Variants in LIPN observed in about 807,000 individuals in gnomAD.
The protein encoded by LIPN is lipase family member N, also known as lipase member N.
In LIPN, 32 loss-of-function variants were observed where a neutral mutation model predicts 43.7. The ratio of observed to expected loss-of-function variants is 0.73; its 90% CI spans 0.55 to 0.98. The LOEUF (loss-of-function observed/expected upper bound fraction) is 0.98. Among genes scored for constraint, LIPN ranks in the 50% least tolerant of loss-of-function variants. The pLI is 0.00. For missense variants in LIPN, 505 were observed against 483.8 expected, an observed-to-expected ratio of 1.04 and a Z score of -0.41; for synonymous variants, 156 against 157.6, an observed-to-expected ratio of 0.99 and a Z score of 0.08.
chr10:88,767,525 A>G (rs1843122873), intron 5 of LIPN, among the ~76,000 whole-genome samples: 1 of 151,596 alleles, frequency 6.6e-6, no homozygotes, highest in African/African-American at 2.4e-5. Context: ...AACCAGATGT[A>G]TCTGATTTCA....
At chr10:88,768,728 T>G in intron 5 of LIPN, 64 bp from the exon 6 acceptor site, 1 of 1,460,250 alleles carries the variant, frequency 6.8e-7, no homozygotes, top group South Asian at 1.2e-5. Context: ...AGAGCCCCAA[T>G]TTTGTTAGAA....
upstream of LIPN, among the ~76,000 whole-genome samples, chr10:88,757,965 A>G (rs1397806588): frequency 6.6e-6 from 1 of 152,090 alleles, no homozygotes; most frequent in African/African-American, 2.4e-5. Context: ...CAAAAGTGTG[A>G]GGTTCAAATT....
In LIPN at chr10:88,777,058, C is replaced by A. The variant is rs77099908; in HGVS notation, c.964-951C>A. 2.3e-3 allele frequency among the ~76,000 whole-genome samples: 346 copies of A among 152,164 alleles called. 1 individual carries two copies. Among genetic ancestry groups the A allele is most frequent in the African/African-American group, 8.2e-3 (341 of 41,544 alleles). ...CTTCTACTTACTCCTTAACCTTGTA[C>A]AATGTAGTTTAGGTCTTCATCTTTT... On this transcript the variant is annotated intron_variant, in intron 9 of 9. Transcript: ENST00000404459.
At position 88,765,190 on chromosome 10, in the gene LIPN, A is replaced by G. The variant is rs1243114137; in HGVS notation, c.425+582A>G. On this transcript the variant is annotated intron_variant, in intron 4 of 9. Coordinates refer to ENST00000404459, the MANE Select transcript of LIPN (RefSeq NM_001102469.2). Reference sequence around the variant, plus strand: ...TTTAAAACCTTTTTAATGGGCAATGAAGAAGAATCTTTTTTGATATCTTGT... The same window carrying G: ...TTTAAAACCTTTTTAATGGGCAATGGAGAAGAATCTTTTTTGATATCTTGT... Among the ~76,000 whole-genome samples the G allele has an allele frequency of 3.3e-5, 5 of 152,084 alleles. No individual in the cohort carries two copies. In the East Asian group the frequency reaches 9.7e-4, roughly 30 times the overall value.
At chr10:88,771,368 G>A (rs886802565) in intron 7 of LIPN, among the ~76,000 whole-genome samples, 1 of 151,494 alleles carries the variant, frequency 6.6e-6, no homozygotes, top group Non-Finnish European at 1.5e-5. Flanking sequence ...TCCTTCTAAC[G>A]GTATTTTGGT....
chr10:88,774,432 T>G, intron 7 of LIPN, 41 bp from the exon 8 acceptor site: 2 of 1,444,786 alleles, frequency 1.4e-6, no homozygotes, highest in South Asian at 1.2e-5. Context: ...AGGCAAAATT[T>G]TGTTGGGCAA....
chr10:88,767,626 G>C (rs1843125263), intron 5 of LIPN, among the ~76,000 whole-genome samples: 1 of 105,434 alleles, frequency 9.5e-6, no homozygotes, highest in South Asian at 3.2e-4. Flanking sequence ...ACTTAGATAT[G>C]CTCTTATACT....
chr10:88,774,266 T>C (rs1843258037), intron 7 of LIPN, among the ~76,000 whole-genome samples: 1 of 152,054 alleles, frequency 6.6e-6, no homozygotes. Context: ...GGTACAGGTG[T>C]GCTGTCAAGC....
chr10:88,766,455 T>C (rs371314310), intron 5 of LIPN, 77 bp downstream of exon 5: 5 of 864,654 alleles, frequency 5.8e-6, no homozygotes, highest in East Asian at 2.4e-5. Flanking sequence ...TTCACCTTTA[T>C]GTTGGAATAA....
At chr10:88,776,052 C>G (rs1157000018) in intron 9 of LIPN, among the ~76,000 whole-genome samples, 1 of 151,938 alleles carries the variant, frequency 6.6e-6, no homozygotes, top group Non-Finnish European at 1.5e-5. Context: ...AAGAACATTA[C>G]TAATTTTGTG....
intron 3 of LIPN, among the ~76,000 whole-genome samples, chr10:88,763,352 C>A (rs747879067): frequency 6.6e-6 from 1 of 151,744 alleles, no homozygotes; most frequent in Non-Finnish European, 1.5e-5. Flanking sequence ...TCTGGCAATC[C>A]CAGGCACATG....
chr10:88,777,446 A>G (rs1463095513), intron 9 of LIPN, among the ~76,000 whole-genome samples: 2 of 151,824 alleles, frequency 1.3e-5, no homozygotes, highest in Admixed American at 6.6e-5. Context: ...AGGTGATTCC[A>G]TTAACTGTTG....
intron 6 of LIPN, chr10:88,769,640 A>G: frequency 1.1e-6 from 1 of 933,268 alleles, no homozygotes; most frequent in Non-Finnish European, 1.3e-6. Flanking sequence ...TTTGGGCCAA[A>G]ATTGAAGTCA....
rs530091624 is a variant in LIPN, at chr10:88,775,097, C to T, written c.897C>T (p.Tyr299=). The change falls in exon 9 of 10, where the codon TAC becomes TAT. Residue 299 remains tyrosine (Y), a synonymous_variant. Transcript: ENST00000404459. ...CTAAAAAACATTTGTTTCAGCTTTA[C>T]CACTCTGATGAATTCAGAGCTTATG... The part of the protein sequence containing the change: ...VHNILHIKQL[Y]HSDEFRAYDW... The T allele has an allele frequency of 1.5e-4, 225 of 1,535,396 alleles. 6 individuals are homozygous for T. The South Asian group carries it at 2.4e-3, about 17-fold the overall frequency.
Position 88,763,690 on chromosome 10 carries a change from A to C in LIPN, c.227-720A>C, listed in dbSNP as rs117784678. ...TCATTAAATTATAGTGCCTTACTTG[A>C]CCTTCCACCCTGGTTCTTTGGATCT... On this transcript the variant is annotated intron_variant, in intron 3 of 9. Coordinates refer to ENST00000404459, the MANE Select transcript of LIPN (RefSeq NM_001102469.2). Among the ~76,000 whole-genome samples the C allele has an allele frequency of 4.8e-3, 737 of 152,112 alleles. 4 individuals are homozygous for C. Among genetic ancestry groups the C allele is most frequent in the Non-Finnish European group, 8.6e-3 (581 of 67,942 alleles).
At position 88,779,152 on chromosome 10, in the gene LIPN, G is replaced by T. The variant is rs549560208; in HGVS notation, c.*910G>T. On this transcript the variant is annotated 3_prime_UTR_variant, in exon 10 of 10. Transcript: ENST00000404459. ...TTTACCTAATGGAAACCTGATTGCC[G>T]CATTTTTGTAACCACCACTTTGGCT... is the stretch of plus-strand genomic sequence containing the variant. Among the ~76,000 whole-genome samples, 1 of 152,304 alleles carries T rather than the reference G, an allele frequency of 6.6e-6. No individual in the cohort carries two copies. Among genetic ancestry groups the T allele is most frequent in the South Asian group, 2.1e-4 (1 of 4,830 alleles).
At chr10:88,759,078 A>G (rs1342215825), upstream of LIPN, among the ~76,000 whole-genome samples, 1 of 152,160 alleles carries the variant, frequency 6.6e-6, no homozygotes, top group East Asian at 1.9e-4. Flanking sequence ...AGACTAAATG[A>G]TTAAGGAGTG....
In LIPN at chr10:88,775,141, A is replaced by T; in HGVS notation, c.941A>T (p.Asp314Val). The T allele has an allele frequency of 6.5e-7, 1 of 1,545,730 alleles. No homozygotes were observed. Among genetic ancestry groups the T allele is most frequent in the Non-Finnish European group, 8.8e-7 (1 of 1,142,778 alleles). The part of the protein sequence containing the change: ...FRAYDWGNDA[D>V]NMKHYNQSHP... ...GCTTATGACTGGGGAAATGACGCTGATAATATGAAACATTACAATCAGGTG... is the reference window on the plus strand; with the variant it reads ...GCTTATGACTGGGGAAATGACGCTGTTAATATGAAACATTACAATCAGGTG... The change falls in exon 9 of 10, where the codon GAT becomes GTT. Residue 314 changes from aspartate to valine, a missense_variant. Coordinates refer to ENST00000404459, the MANE Select transcript of LIPN (RefSeq NM_001102469.2).
intron 5 of LIPN, among the ~76,000 whole-genome samples, chr10:88,767,242 G>C (rs1843118068): frequency 6.6e-6 from 1 of 151,832 alleles, no homozygotes; most frequent in African/African-American, 2.4e-5. Flanking sequence ...ATATTCATTA[G>C]TATTTTAGAT....
Sources: gnomAD v4.1 joint callset for allele counts (sites outside exome capture counted in the v4.1 genomes callset) on GRCh38, gnomAD v4.1.1 for gene constraint, MANE v1.5 for transcripts, NCBI Gene and HGNC (gene_info 2026-07-23, HGNC 2026-07-21) for gene names.